The following ATP2B4 variants were observed in gnomAD, a reference collection of about 807,000 sequenced individuals.
The protein encoded by ATP2B4 is ATPase plasma membrane Ca2+ transporting 4, also known as plasma membrane calcium-transporting ATPase 4.
In ATP2B4, 39 loss-of-function variants were observed where a neutral mutation model predicts 110.3. The ratio of observed to expected loss-of-function variants is 0.35; its 90% CI spans 0.27 to 0.46. The LOEUF is 0.46. Among genes scored for constraint, ATP2B4 ranks in the 20% least tolerant of loss-of-function variants. The pLI, the probability that ATP2B4 is intolerant of heterozygous loss-of-function variation, is 1.00. For missense variants in ATP2B4, 1,135 were observed against 1,530.9 expected (o/e 0.74, Z 4.32); for synonymous variants, 538 against 571.7 (o/e 0.94, Z 0.84).
intron 1 of ATP2B4, among the ~76,000 whole-genome samples, chr1:203,641,467 C>T (rs1214967505): frequency 6.6e-6 from 1 of 152,208 alleles, no homozygotes; most frequent in Non-Finnish European, 1.5e-5. Flanking sequence ...TTCTTCACCA[C>T]ACCAGACTCT....
At chr1:203,728,272 C>T (rs1192995008) in intron 20 of ATP2B4, 1 of 433,988 alleles carries the variant, frequency 2.3e-6, no homozygotes, top group Admixed American at 3.1e-5. Context: ...CTTATGTCCC[C>T]TGTCTATAGC....
intron 1 of ATP2B4, among the ~76,000 whole-genome samples, chr1:203,647,341 C>T (rs374090472): frequency 1.3e-5 from 2 of 152,040 alleles, no homozygotes; most frequent in Non-Finnish European, 2.9e-5. Flanking sequence ...GAGACTGAGG[C>T]GGGAGGATCC....
chr1:203,673,222 C>T (rs79057355), intron 1 of ATP2B4, among the ~76,000 whole-genome samples: 23 of 152,170 alleles, frequency 1.5e-4, no homozygotes, highest in African/African-American at 5.1e-4. Context: ...CCAGGCCCCA[C>T]CTCCGTTCTT....
intron 20 of ATP2B4, among the ~76,000 whole-genome samples, chr1:203,735,002 CAAAAAAA>C (rs35552196): frequency 7.0e-5 from 4 of 57,128 alleles, no homozygotes; most frequent in African/African-American, 3.0e-4. Flanking sequence ...GACTCCATCT[CAAAAAAA>C]AAAAAAAAAA....
intron 1 of ATP2B4, among the ~76,000 whole-genome samples, chr1:203,681,173 T>C (rs1020756927): frequency 1.3e-5 from 2 of 152,154 alleles, no homozygotes; most frequent in African/African-American, 4.8e-5. Flanking sequence ...TTCTTAACTC[T>C]TTGTAAGTCA....
At chr1:203,717,192 C>T (rs146086015) in intron 15 of ATP2B4, among the ~76,000 whole-genome samples, 25 of 152,162 alleles carry the variant, frequency 1.6e-4, no homozygotes, top group Admixed American at 1.6e-3. Flanking sequence ...AGCTAGACTC[C>T]ATCTCAAAAA....
intron 1 of ATP2B4, among the ~76,000 whole-genome samples, chr1:203,676,206 C>T (rs1227897842): frequency 1.3e-5 from 2 of 152,198 alleles, no homozygotes; most frequent in East Asian, 3.8e-4. Flanking sequence ...TCCCATGCCT[C>T]CAAAGGGCCT....
intron 20 of ATP2B4, among the ~76,000 whole-genome samples, chr1:203,736,652 G>C (rs1368315677): frequency 6.6e-6 from 1 of 152,122 alleles, no homozygotes; most frequent in East Asian, 1.9e-4. Flanking sequence ...ATTTCCCCAA[G>C]GTTTTGAGAA....
rs1665074310 is a variant in ATP2B4, at chr1:203,683,360, A to G, written c.155A>G (p.Gln52Arg). The G allele has an allele frequency of 2.5e-6, 4 of 1,614,084 alleles. No homozygotes were observed. Among genetic ancestry groups the G allele is most frequent in the Non-Finnish European group, 3.4e-6 (4 of 1,179,940 alleles). ...TQINVHYGGV[Q>R]NLCSRLKTSP... The stretch of plus-strand genomic sequence containing the variant: ...ATTAATGTCCACTATGGAGGTGTAC[A>G]GAATCTCTGCAGTAGACTGAAAACC... The change falls in exon 2 of 21, where the codon CAG becomes CGG. Residue 52 changes from glutamine (Q) to arginine (R), a missense_variant. Physicochemically the swap from Gln to Arg is conservative, Grantham distance 43. Around this residue, in one of 9 missense-constraint regions of ATP2B4, gnomAD observed 122 missense variants for 125.2 expected, o/e 0.97. Coordinates refer to ENST00000357681, the MANE Select transcript of ATP2B4 (RefSeq NM_001684.5).
At chr1:203,686,430 G>C (rs1009656996) in intron 2 of ATP2B4, among the ~76,000 whole-genome samples, 1 of 152,096 alleles carries the variant, frequency 6.6e-6, no homozygotes, top group African/African-American at 2.4e-5. Flanking sequence ...TTCCCAGAGA[G>C]CTTCCTTTCC....
At chr1:203,696,251 G>A (rs1472625869) in intron 2 of ATP2B4, among the ~76,000 whole-genome samples, 1 of 152,206 alleles carries the variant, frequency 6.6e-6, no homozygotes, top group African/African-American at 2.4e-5. Flanking sequence ...ATTCAGTGAA[G>A]ATTTTCAGTG....
intron 2 of ATP2B4, among the ~76,000 whole-genome samples, chr1:203,693,252 A>G (rs1665437234): frequency 6.6e-6 from 1 of 152,148 alleles, no homozygotes; most frequent in South Asian, 2.1e-4. Context: ...AAAGAATTGG[A>G]ATGGAAAGCC....
intron 1 of ATP2B4, among the ~76,000 whole-genome samples, chr1:203,644,008 G>C (rs1216183878): frequency 1.3e-5 from 2 of 152,156 alleles, no homozygotes; most frequent in African/African-American, 4.8e-5. Context: ...TCAGCACTTT[G>C]GGAGGCCGAG....
At chr1:203,702,536 G>A (rs1384281089) in intron 7 of ATP2B4, among the ~76,000 whole-genome samples, 1 of 152,246 alleles carries the variant, frequency 6.6e-6, no homozygotes, top group South Asian at 2.1e-4. Flanking sequence ...CTTCTCTGCT[G>A]GTCTTCTCAG....
chr1:203,704,216 G>A (rs1039590113), intron 8 of ATP2B4, among the ~76,000 whole-genome samples: 1 of 152,170 alleles, frequency 6.6e-6, no homozygotes, highest in Non-Finnish European at 1.5e-5. Flanking sequence ...ATAGGAGTAG[G>A]ATCTGGCTAA....
intron 20 of ATP2B4, among the ~76,000 whole-genome samples, chr1:203,730,083 G>A (rs1347386460): frequency 6.6e-6 from 1 of 152,104 alleles, no homozygotes; most frequent in African/African-American, 2.4e-5. Context: ...CAAGGAGGAT[G>A]CTGAGGAGAA....
At chr1:203,671,180 A>T (rs1278934502) in intron 1 of ATP2B4, among the ~76,000 whole-genome samples, 1 of 152,152 alleles carries the variant, frequency 6.6e-6, no homozygotes, top group Non-Finnish European at 1.5e-5. Flanking sequence ...TCTTACTCAC[A>T]TGTTGTTTAG....
chr1:203,700,150 C>T (rs373902828), intron 4 of ATP2B4, 56 bp from the exon 5 acceptor site: 5 of 1,573,766 alleles, frequency 3.2e-6, no homozygotes, highest in East Asian at 4.5e-5. Flanking sequence ...GGACCCTACC[C>T]TCAGCCAGTC....
At chr1:203,665,707 G>A (rs1281582245) in intron 1 of ATP2B4, among the ~76,000 whole-genome samples, 3 of 150,926 alleles carry the variant, frequency 2.0e-5, no homozygotes, top group Non-Finnish European at 2.9e-5. Flanking sequence ...GGCTGAGGCA[G>A]GAGAATCACT....
Sources: gnomAD v4.1 joint callset for allele counts (sites outside exome capture counted in the v4.1 genomes callset) on GRCh38, gnomAD v4.1.1 for gene constraint, gnomAD v4.1.1 regional missense constraint, MANE v1.5 for transcripts, NCBI Gene and HGNC (gene_info 2026-07-23, HGNC 2026-07-21) for gene names.